KLHL1: variants seen among roughly 807,000 people sequenced by gnomAD.
The protein encoded by KLHL1 is kelch-like protein 1.
KLHL1 carries 47 observed loss-of-function variants against 77.7 expected under a neutral mutation model. That is an observed-to-expected ratio of 0.60 (90% CI 0.48 to 0.77). The LOEUF (loss-of-function observed/expected upper bound fraction) is 0.77. KLHL1 is among the 30% of genes least tolerant of loss of function. The pLI is 0.00. For missense variants in KLHL1, 925 were observed against 910.8 expected (o/e 1.02, Z -0.20); for synonymous variants, 360 against 325.2 (o/e 1.11, Z -1.15).
At chr13:69,781,858 T>TTAAC (rs1454728947) in intron 7 of KLHL1, among the ~76,000 whole-genome samples, 5 of 152,172 alleles carry the variant, frequency 3.3e-5, no homozygotes, top group Admixed American at 2.0e-4. Context: ...AAATGGGATA[T>TTAAC]TAACTTTCTA....
At chr13:69,904,128 C>T (rs1167708209) in intron 4 of KLHL1, among the ~76,000 whole-genome samples, 2 of 145,314 alleles carry the variant, frequency 1.4e-5, no homozygotes, top group Admixed American at 1.4e-4. Flanking sequence ...AAAGAAGATT[C>T]ATGAAAATAA....
chr13:70,075,748 CACAT>C (rs949515014), intron 1 of KLHL1, among the ~76,000 whole-genome samples: 5 of 80,534 alleles, frequency 6.2e-5, no homozygotes, highest in African/African-American at 2.1e-4. Flanking sequence ...TATATATACA[CACAT>C]ACACACACAT....
chr13:69,889,469 A>G (rs1323532966), intron 4 of KLHL1, among the ~76,000 whole-genome samples: 1 of 152,044 alleles, frequency 6.6e-6, no homozygotes, highest in African/African-American at 2.4e-5. Flanking sequence ...GACACTTTCC[A>G]TTACACAACC....
intron 1 of KLHL1, among the ~76,000 whole-genome samples, chr13:70,053,077 G>A (rs1299544115): frequency 6.6e-6 from 1 of 151,834 alleles, no homozygotes; most frequent in Non-Finnish European, 1.5e-5. Flanking sequence ...GAAATAGACT[G>A]AAAAATTAGA....
At chr13:70,057,855 T>C (rs1013061548) in intron 1 of KLHL1, among the ~76,000 whole-genome samples, 1 of 150,906 alleles carries the variant, frequency 6.6e-6, no homozygotes, top group Non-Finnish European at 1.5e-5. Context: ...CTGATGAATA[T>C]TGATGCAAAA....
At chr13:70,098,815 A>T (rs2137451683) in intron 1 of KLHL1, among the ~76,000 whole-genome samples, 1 of 151,796 alleles carries the variant, frequency 6.6e-6, no homozygotes, top group East Asian at 1.9e-4. Flanking sequence ...TATAGTTTTA[A>T]TTGCTGATCA....
intron 1 of KLHL1, among the ~76,000 whole-genome samples, chr13:70,013,424 T>G (rs1250717946): frequency 6.6e-6 from 1 of 152,150 alleles, no homozygotes; most frequent in Non-Finnish European, 1.5e-5. Context: ...AGCTTCCATC[T>G]CTCACCACAG....
rs528736797 is a variant in KLHL1 at position 70,094,208 on chromosome 13, T to C, written c.497+12995A>G. ...AGCCAGATGTGGCAGCATGCACCTGTAGTCGCAGCTACTCGGCTGAGGTGG... is the reference window on the plus strand; with the variant it reads ...AGCCAGATGTGGCAGCATGCACCTGCAGTCGCAGCTACTCGGCTGAGGTGG... On this transcript the variant is annotated intron_variant, in intron 1 of 10. Coordinates refer to ENST00000377844, the MANE Select transcript of KLHL1 (RefSeq NM_020866.3). Among the ~76,000 whole-genome samples, 14 of 152,092 alleles carry C rather than the reference T, an allele frequency of 9.2e-5. 1 individual carries two copies. In the South Asian group the frequency reaches 2.7e-3, roughly 29 times the overall value.
chr13:69,915,349 A>G (rs1308182443), intron 4 of KLHL1, among the ~76,000 whole-genome samples: 1 of 152,196 alleles, frequency 6.6e-6, no homozygotes, highest in African/African-American at 2.4e-5. Flanking sequence ...ACTATACTAC[A>G]AGGCTACAGT....
At position 69,719,578 on chromosome 13, in the gene KLHL1, C is replaced by G. The variant is rs766360091; in HGVS notation, c.1806G>C (p.Leu602Phe). The G allele has an allele frequency of 6.2e-7, 1 of 1,608,230 alleles. No individual in the cohort carries two copies. The highest frequency in any genetic ancestry group is 2.2e-5 in the East Asian group (1 of 44,810). Residue 602 changes from leucine (L) to phenylalanine (F), a missense_variant, in exon 9 of 11, where the codon TTG becomes TTC. Leu to Phe is a conservative substitution (Grantham distance 22). Coordinates refer to ENST00000377844, the MANE Select transcript of KLHL1 (RefSeq NM_020866.3). ...TVGVAALNGK[L>F]YSVGGRDGSS... ...TTCCATCACGACCTCCAACTGAATA[C>G]AACCTAAAAACACAATTGGAAAAAT...
intron 4 of KLHL1, among the ~76,000 whole-genome samples, chr13:69,889,684 G>C (rs949909180): frequency 6.6e-6 from 1 of 152,018 alleles, no homozygotes; most frequent in Non-Finnish European, 1.5e-5. Flanking sequence ...AGTTGGACAG[G>C]ATTTAGATGT....
At chr13:69,956,021 T>C (rs1234765345) in intron 3 of KLHL1, among the ~76,000 whole-genome samples, 1 of 101,486 alleles carries the variant, frequency 9.9e-6, no homozygotes, top group African/African-American at 4.2e-5. Flanking sequence ...ATATTTGATA[T>C]ATATTTATAT....
chr13:69,792,074 A>G lies in KLHL1; in HGVS notation c.1639+4664T>C, dbSNP rs940264341. ...AAATCACCATGGCACATGTTTACCT[A>G]TGTAACAAACCTGCACATCCTACAC... On this transcript the variant is annotated intron_variant, in intron 7 of 10. Transcript: ENST00000377844. 2.6e-5 allele frequency among the ~76,000 whole-genome samples: 4 copies of G among 152,310 alleles called. No homozygotes were observed. In the East Asian group the frequency reaches 7.7e-4, roughly 29 times the overall value.
At chr13:69,798,840 G>T (rs1387691627) in intron 6 of KLHL1, among the ~76,000 whole-genome samples, 2 of 152,066 alleles carry the variant, frequency 1.3e-5, no homozygotes, top group African/African-American at 2.4e-5. Context: ...GGCCAAGGAA[G>T]GTGAATCATC....
chr13:69,718,806 G>T (rs539623985), intron 9 of KLHL1, among the ~76,000 whole-genome samples: 22 of 152,200 alleles, frequency 1.4e-4, no homozygotes, highest in African/African-American at 5.3e-4. Flanking sequence ...TTTAGAAAGA[G>T]TTATAAGAGA....
chr13:69,926,623 C>A (rs970462387), intron 4 of KLHL1, among the ~76,000 whole-genome samples: 2 of 151,764 alleles, frequency 1.3e-5, no homozygotes, highest in Non-Finnish European at 2.9e-5. Context: ...ATATAGGGAA[C>A]CAAAAATAGT....
chr13:69,997,253 T>C (rs1885179288), intron 1 of KLHL1, among the ~76,000 whole-genome samples: 1 of 151,024 alleles, frequency 6.6e-6, no homozygotes, highest in African/African-American at 2.5e-5. Context: ...AAATTAATTC[T>C]TATTTTATTC....
At chr13:70,070,247 A>G (rs1887108423) in intron 1 of KLHL1, among the ~76,000 whole-genome samples, 2 of 152,048 alleles carry the variant, frequency 1.3e-5, no homozygotes, top group East Asian at 3.9e-4. Context: ...ATCCAGGCAT[A>G]TAAGAGAAAA....
chr13:70,009,840 T>A (rs1243798153), intron 1 of KLHL1, among the ~76,000 whole-genome samples: 1 of 152,140 alleles, frequency 6.6e-6, no homozygotes, highest in African/African-American at 2.4e-5. Flanking sequence ...CCTATTCCCA[T>A]GTAACATATT....
Sources: gnomAD v4.1 joint callset for allele counts (sites outside exome capture counted in the v4.1 genomes callset) on GRCh38, gnomAD v4.1.1 for gene constraint, MANE v1.5 for transcripts, NCBI Gene and HGNC (gene_info 2026-07-23, HGNC 2026-07-21) for gene names.